The following CNTNAP5 variants were observed in gnomAD, a reference collection of about 807,000 sequenced individuals.
The protein encoded by CNTNAP5 is contactin associated protein family member 5.
A neutral mutation model predicts 150.2 loss-of-function variants in CNTNAP5; 72 were observed. That is an observed-to-expected ratio of 0.48 (90% CI 0.40 to 0.58). The LOEUF (loss-of-function observed/expected upper bound fraction) is 0.58, where lower values mean the gene tolerates loss of function less well. CNTNAP5 is among the 20% of genes least tolerant of loss of function. The probability of loss-of-function intolerance (pLI) is 0.00; values close to 1 mark genes in which losing one functional copy is unlikely to be tolerated. For synonymous variants in CNTNAP5, 672 were observed against 619.8 expected, an observed-to-expected ratio of 1.08 and a Z score of -1.25; for missense variants, 1,636 against 1,626.2, an observed-to-expected ratio of 1.01 and a Z score of -0.10.
In CNTNAP5 at chr2:124,504,303, T is replaced by G. The variant is rs1212512243; in HGVS notation, c.1074T>G (p.Thr358=). ...TTATTGTTTTCCAGGGCAATGTCACTTTTTCCTGCTCCGAACCACAGATTG... is the reference window on the plus strand; with the variant it reads ...TTATTGTTTTCCAGGGCAATGTCACGTTTTCCTGCTCCGAACCACAGATTG... The part of the protein sequence containing the change: ...KHQIYTVGNV[T]FSCSEPQIVP... Residue 358 remains threonine, a synonymous_variant, in exon 8 of 24, where the codon ACT becomes ACG. Coordinates refer to ENST00000682447, the MANE Select transcript of CNTNAP5 (RefSeq NM_001367498.1). The G allele has an allele frequency of 2.5e-6, 4 of 1,611,606 alleles. No individual in the cohort carries two copies. The South Asian group carries it at 4.4e-5, about 18-fold the overall frequency.
At chr2:124,109,116 A>C (rs1171799630) in intron 1 of CNTNAP5, among the ~76,000 whole-genome samples, 2 of 152,238 alleles carry the variant, frequency 1.3e-5, no homozygotes, top group Non-Finnish European at 2.9e-5. Context: ...GTGAGGTCAC[A>C]TAAGGCCCCT....
intron 8 of CNTNAP5, among the ~76,000 whole-genome samples, chr2:124,508,270 G>A (rs984841277): frequency 1.3e-5 from 2 of 152,182 alleles, no homozygotes; most frequent in East Asian, 1.9e-4. Flanking sequence ...GCAGTCAGAC[G>A]ATTTTTATAA....
intron 1 of CNTNAP5, among the ~76,000 whole-genome samples, chr2:124,213,809 C>T (rs1005340909): frequency 3.3e-5 from 5 of 152,264 alleles, no homozygotes; most frequent in African/African-American, 1.2e-4. Flanking sequence ...ACACTGCTTT[C>T]CTCTCAGGTG....
At chr2:124,399,247 G>T (rs531508677) in intron 3 of CNTNAP5, among the ~76,000 whole-genome samples, 1 of 152,268 alleles carries the variant, frequency 6.6e-6, no homozygotes, top group East Asian at 1.9e-4. Context: ...AAGAAGAGAG[G>T]AGGAGATCAT....
At chr2:124,278,564 A>C (rs1687942385) in intron 3 of CNTNAP5, among the ~76,000 whole-genome samples, 1 of 152,184 alleles carries the variant, frequency 6.6e-6, no homozygotes, top group East Asian at 1.9e-4. Flanking sequence ...TTGAGCAAAC[A>C]AGCCTCATGT....
At chr2:124,541,179 A>ATTGTTTTTTTTTTTTTTTTTTTTTTTTTT (rs1695373335) in intron 10 of CNTNAP5, among the ~76,000 whole-genome samples, 1 of 83,082 alleles carries the variant, frequency 1.2e-5, no homozygotes, top group Non-Finnish European at 2.3e-5. Context: ...CAAAATTCCG[A>ATTGTTTTTTTTTTTTTTTTTTTTTTTTTT]TTTTTTTTTT....
At chr2:124,232,179 A>T (rs1216243660) in intron 2 of CNTNAP5, among the ~76,000 whole-genome samples, 1 of 152,214 alleles carries the variant, frequency 6.6e-6, no homozygotes, top group Non-Finnish European at 1.5e-5. Flanking sequence ...CATTGCAACA[A>T]AACTGTAAGA....
At chr2:124,496,192 G>GA (rs1214173960) in intron 7 of CNTNAP5, among the ~76,000 whole-genome samples, 2 of 152,140 alleles carry the variant, frequency 1.3e-5, no homozygotes, top group African/African-American at 2.4e-5. Flanking sequence ...TCCCAAAAAT[G>GA]AAAAAGAGCC....
chr2:124,183,906 GA>G (rs1308101140), intron 1 of CNTNAP5, among the ~76,000 whole-genome samples: 1 of 152,098 alleles, frequency 6.6e-6, no homozygotes, highest in Non-Finnish European at 1.5e-5. Context: ...AAGTAATAGC[GA>G]AAACCGCGAT....
intron 10 of CNTNAP5, among the ~76,000 whole-genome samples, chr2:124,540,339 C>G (rs1695348529): frequency 6.6e-6 from 1 of 152,138 alleles, no homozygotes; most frequent in Admixed American, 6.5e-5. Flanking sequence ...AAACCCTATA[C>G]TCTGAAATGA....
At chr2:124,676,482 A>G (rs950780949) in intron 13 of CNTNAP5, among the ~76,000 whole-genome samples, 29 of 152,372 alleles carry the variant, frequency 1.9e-4, no homozygotes, top group African/African-American at 6.0e-4. Context: ...CAGATGTGAT[A>G]TTAAACAATT....
At chr2:124,548,112 G>A (rs1375371540) in intron 10 of CNTNAP5, among the ~76,000 whole-genome samples, 2 of 152,100 alleles carry the variant, frequency 1.3e-5, no homozygotes, top group Non-Finnish European at 2.9e-5. Flanking sequence ...TTGAAAGAGG[G>A]GGAAAAAACA....
intron 10 of CNTNAP5, among the ~76,000 whole-genome samples, chr2:124,543,976 G>A (rs1695451374): frequency 6.6e-6 from 1 of 151,132 alleles, no homozygotes; most frequent in Non-Finnish European, 1.5e-5. Context: ...TAATTTTCTT[G>A]TTCAAATCCA....
chr2:124,613,087 G>A (rs1457669574), intron 12 of CNTNAP5, among the ~76,000 whole-genome samples: 1 of 151,990 alleles, frequency 6.6e-6, no homozygotes, highest in Non-Finnish European at 1.5e-5. Flanking sequence ...TAAAATAAAA[G>A]CAAAGCTCTG....
intron 13 of CNTNAP5, among the ~76,000 whole-genome samples, chr2:124,652,562 C>A (rs1369249000): frequency 6.6e-6 from 1 of 152,206 alleles, no homozygotes; most frequent in Non-Finnish European, 1.5e-5. Flanking sequence ...AAGCCATAGT[C>A]TGGAAGATTC....
intron 3 of CNTNAP5, among the ~76,000 whole-genome samples, chr2:124,247,316 C>T (rs2104775096): frequency 6.6e-6 from 1 of 150,910 alleles, no homozygotes. Context: ...GTGCAAGGTG[C>T]TAGGCTTACA....
chr2:124,900,641 A>G (rs546369018), intron 21 of CNTNAP5, among the ~76,000 whole-genome samples: 1 of 151,720 alleles, frequency 6.6e-6, no homozygotes, highest in South Asian at 2.1e-4. Flanking sequence ...GACAGTCACT[A>G]TAGTGATGTC....
intron 13 of CNTNAP5, among the ~76,000 whole-genome samples, chr2:124,736,442 G>T (rs1486610045): frequency 2.6e-5 from 4 of 152,090 alleles, no homozygotes; most frequent in Admixed American, 2.6e-4. Context: ...TTGATGGCAG[G>T]ATTCATAAGT....
intron 12 of CNTNAP5, among the ~76,000 whole-genome samples, chr2:124,614,291 G>T (rs199955353): frequency 6.6e-6 from 1 of 152,046 alleles, no homozygotes. Flanking sequence ...AAGTATTACC[G>T]CAAAGGGGTC....
Sources: allele counts gnomAD v4.1 joint callset (sites outside exome capture counted in the v4.1 genomes callset), GRCh38; gene constraint gnomAD v4.1.1; transcripts MANE v1.5; gene names NCBI Gene and HGNC (gene_info 2026-07-23, HGNC 2026-07-21).